The following UGT1A10 variants were observed in gnomAD, a reference collection of about 807,000 sequenced individuals.
UGT1A10 encodes the protein UDP glucuronosyltransferase family 1 member A10, also known as UDP-glucuronosyltransferase 1A10.
In UGT1A10, 49 loss-of-function variants were observed where a neutral mutation model predicts 45.8. The observed-to-expected ratio is 1.07, with a 90% CI of 0.85 to 1.36. The LOEUF (loss-of-function observed/expected upper bound fraction) is 1.36. Among genes scored for constraint, UGT1A10 ranks in the 40% most tolerant of loss-of-function variants. The probability of loss-of-function intolerance (pLI) is 0.00; values close to 1 mark genes in which losing one functional copy is unlikely to be tolerated. For missense variants in UGT1A10, 745 were observed against 668.6 expected (o/e 1.11, Z -1.26); for synonymous variants, 284 against 249.7 (o/e 1.14, Z -1.29).
intron 1 of UGT1A10, among the ~76,000 whole-genome samples, chr2:233,686,441 G>A (rs1461606280): frequency 6.6e-6 from 1 of 152,040 alleles, no homozygotes; most frequent in Non-Finnish European, 1.5e-5. Context: ...TTGACATGGA[G>A]GCTCTCCCAT....
intron 1 of UGT1A10, among the ~76,000 whole-genome samples, chr2:233,651,531 A>G (rs554833690): frequency 6.6e-6 from 1 of 152,338 alleles, no homozygotes; most frequent in East Asian, 1.9e-4. Context: ...ATAATAAAGG[A>G]AGGAAAATTC....
At chr2:233,679,006 C>T (rs184095276) in intron 1 of UGT1A10, among the ~76,000 whole-genome samples, 3 of 152,324 alleles carry the variant, frequency 2.0e-5, no homozygotes, top group African/African-American at 7.2e-5. Flanking sequence ...ACAGTGGCAT[C>T]TTCAGTGGTG....
chr2:233,769,914 G>A lies in UGT1A10; in HGVS notation c.1295+1475G>A, dbSNP rs530436161. ...AACCTGAGCATCATGTGCCCAGAGCGTTGGGTGGTGTGGTCCCATTCCTTC... is the reference window on the plus strand; with the variant it reads ...AACCTGAGCATCATGTGCCCAGAGCATTGGGTGGTGTGGTCCCATTCCTTC... On this transcript the variant is annotated intron_variant, in intron 4 of 4. Coordinates refer to ENST00000344644, the MANE Select transcript of UGT1A10 (RefSeq NM_019075.4). The surrounding 1 kb of genome is among the most constrained non-coding windows in gnomAD (Gnocchi z 4.4). The A allele has an allele frequency of 6.5e-5, 19 of 292,140 alleles. No homozygotes were observed. The highest frequency in any genetic ancestry group is 1.0e-3 in the Middle Eastern group (1 of 988). 18.1% of individuals were successfully genotyped at this position (292,140 alleles called of 1,614,324 possible).
At chr2:233,737,647 C>G (rs1413488043) in intron 1 of UGT1A10, among the ~76,000 whole-genome samples, 1 of 152,204 alleles carries the variant, frequency 6.6e-6, no homozygotes, top group Non-Finnish European at 1.5e-5. Flanking sequence ...GTCGATCATG[C>G]TGGGAGCTGC....
intron 1 of UGT1A10, among the ~76,000 whole-genome samples, chr2:233,706,653 C>T (rs940333548): frequency 1.3e-5 from 2 of 152,184 alleles, no homozygotes; most frequent in African/African-American, 4.8e-5. Flanking sequence ...TGCCCCATCA[C>T]TGTAGGTCTG....
intron 1 of UGT1A10, among the ~76,000 whole-genome samples, chr2:233,738,616 G>A (rs1192038342): frequency 6.6e-6 from 1 of 152,208 alleles, no homozygotes; most frequent in Non-Finnish European, 1.5e-5. Context: ...AAAGAAACTC[G>A]TGGCATTTTT....
Position 233,772,565 on chromosome 2 carries a change from G to A in UGT1A10, c.*6G>A. ...ACAAATCCAAGACCCATTGAGAAGT[G>A]GGTGGGAAATAAGGTAAAATTTTGA... On this transcript the variant is annotated 3_prime_UTR_variant, in exon 5 of 5. Coordinates refer to ENST00000344644, the MANE Select transcript of UGT1A10 (RefSeq NM_019075.4). 6.2e-7 allele frequency: 1 copy of A among 1,613,202 alleles called. No homozygotes were observed.
chr2:233,643,712 C>T (rs980843036), intron 1 of UGT1A10, among the ~76,000 whole-genome samples: 2 of 152,238 alleles, frequency 1.3e-5, no homozygotes, highest in South Asian at 2.1e-4. Context: ...TGACGTAGTA[C>T]GAGGTTTCAC....
Position 233,636,905 on chromosome 2 carries a change from T to G in UGT1A10, c.383T>G (p.Phe128Cys), listed in dbSNP as rs754881305. The change falls in exon 1 of 5, where the codon TTT becomes TGT. Residue 128 changes from phenylalanine (F) to cysteine (C), a missense_variant. Coordinates refer to ENST00000344644, the MANE Select transcript of UGT1A10 (RefSeq NM_019075.4). ...TTTTTTTCGCATTGCAGGAGTTTGT[T>G]TAATGACCGAAAATTAGTAGAATAC... ...DLFFSHCRSL[F>C]NDRKLVEYLK... The G allele has an allele frequency of 2.9e-5, 47 of 1,614,038 alleles. No individual in the cohort carries two copies. The highest frequency in any genetic ancestry group is 3.9e-5 in the Non-Finnish European group (46 of 1,180,032).
intron 1 of UGT1A10, chr2:233,722,120 C>G (rs2076991666): frequency 5.4e-6 from 1 of 185,150 alleles, no homozygotes; most frequent in South Asian, 1.2e-4. Context: ...CTATCATCAT[C>G]ATTAGTAGAG....
chr2:233,644,199 C>T (rs57005847), intron 1 of UGT1A10, among the ~76,000 whole-genome samples: 4,499 of 152,272 alleles, frequency 0.03, 207 homozygotes, highest in African/African-American at 0.1. Context: ...TTTTGGCCCT[C>T]GGTGGTGAGG....
At chr2:233,704,812 T>A (rs2075808087) in intron 1 of UGT1A10, among the ~76,000 whole-genome samples, 1 of 152,136 alleles carries the variant, frequency 6.6e-6, no homozygotes, top group Non-Finnish European at 1.5e-5. Context: ...ATATGTATAT[T>A]GCTTTTTAGG....
At position 233,719,606 on chromosome 2, in the gene UGT1A10, G is replaced by A. The variant is rs762263930; in HGVS notation, c.856-47428G>A. The A allele has an allele frequency of 4.3e-6, 7 of 1,614,054 alleles. No individual in the cohort carries two copies. In the East Asian group the frequency reaches 1.3e-4, roughly 31 times the overall value. On this transcript the variant is annotated intron_variant, in intron 1 of 4. Transcript: ENST00000344644. ...TGTGGCTGTTCCGAGGGGACTTTGTGATGGACTACCCCAGGCCGATCATGC... is the reference window on the plus strand; with the variant it reads ...TGTGGCTGTTCCGAGGGGACTTTGTAATGGACTACCCCAGGCCGATCATGC...
chr2:233,713,579 A>G (rs536394959), intron 1 of UGT1A10: 12 of 1,613,952 alleles, frequency 7.4e-6, no homozygotes, highest in African/African-American at 5.3e-5. Flanking sequence ...ATATTCCTAG[A>G]TTACTAACGA....
chr2:233,708,027 G>A (rs749696911), intron 1 of UGT1A10, among the ~76,000 whole-genome samples: 9 of 151,878 alleles, frequency 5.9e-5, no homozygotes, highest in South Asian at 4.2e-4. Flanking sequence ...TAGTTCTTTG[G>A]CAGTTATAGA....
chr2:233,768,039 G>A, intron 3 of UGT1A10, 103 bp downstream of exon 3: 1 of 1,610,920 alleles, frequency 6.2e-7, no homozygotes, highest in Non-Finnish European at 8.5e-7. Context: ...AAATATTATG[G>A]CCAACATATC....
At chr2:233,682,078 A>T in intron 1 of UGT1A10, 1 of 1,613,992 alleles carries the variant, frequency 6.2e-7, no homozygotes, top group Non-Finnish European at 8.5e-7. Flanking sequence ...TGGTGGAGAA[A>T]CTCATCCTCA....
chr2:233,661,623 T>TTTTCTGTCTTTCTTTC (rs2073965249), intron 1 of UGT1A10, among the ~76,000 whole-genome samples: 1 of 123,952 alleles, frequency 8.1e-6, no homozygotes, highest in Admixed American at 8.3e-5. Flanking sequence ...ACTTACTGAA[T>TTTTCTGTCTTTCTTTC]TTTCTTTCTT....
chr2:233,728,564 A>T (rs2077727018), intron 1 of UGT1A10, among the ~76,000 whole-genome samples: 1 of 152,200 alleles, frequency 6.6e-6, no homozygotes, highest in Non-Finnish European at 1.5e-5. Flanking sequence ...TACAAGAAAT[A>T]TCCTGGTGCG....
Sources: gnomAD v4.1 joint callset for allele counts (sites outside exome capture counted in the v4.1 genomes callset) on GRCh38, gnomAD v4.1.1 for gene constraint, Gnocchi (gnomAD v3.1) non-coding constraint, MANE v1.5 for transcripts, NCBI Gene and HGNC (gene_info 2026-07-23, HGNC 2026-07-21) for gene names.